The following CHST8 variants were observed in gnomAD, a reference collection of about 807,000 sequenced individuals.
CHST8 encodes GALNAC-4-ST1.
CHST8 carries 10 observed loss-of-function variants against 15.0 expected under a neutral mutation model. The ratio of observed to expected loss-of-function variants is 0.67; its 90% CI spans 0.41 to 1.13. The LOEUF (loss-of-function observed/expected upper bound fraction) is 1.13, where lower values mean the gene tolerates loss of function less well. CHST8 is among the 50% of genes most tolerant of loss of function. The pLI, the probability that CHST8 is intolerant of heterozygous loss-of-function variation, is 0.00. For missense variants in CHST8, 634 were observed against 608.2 expected, an observed-to-expected ratio of 1.04 and a Z score of -0.45; for synonymous variants, 259 against 256.6, an observed-to-expected ratio of 1.01 and a Z score of -0.09.
At chr19:33,628,964 TTGTG>T (rs2145434109) in intron 1 of CHST8, among the ~76,000 whole-genome samples, 1 of 152,266 alleles carries the variant, frequency 6.6e-6, no homozygotes, top group East Asian at 1.9e-4. Context: ...AGGCTGCTGG[TTGTG>T]TGGCCCCACT....
intron 3 of CHST8, among the ~76,000 whole-genome samples, chr19:33,729,408 GGAAATGA>G (rs1397096840): frequency 1.3e-5 from 2 of 152,230 alleles, no homozygotes; most frequent in Non-Finnish European, 2.9e-5. Flanking sequence ...AGCCAGAGAG[GGAAATGA>G]GACAGAAGTC....
At chr19:33,704,593 GT>G (rs1318862520) in intron 3 of CHST8, among the ~76,000 whole-genome samples, 30 of 152,170 alleles carry the variant, frequency 2.0e-4, no homozygotes, top group Non-Finnish European at 5.9e-5. Flanking sequence ...CATCCTTTTT[GT>G]TTTTGTTTTG....
At chr19:33,769,419 G>A (rs1446160364) in intron 3 of CHST8, among the ~76,000 whole-genome samples, 1 of 152,196 alleles carries the variant, frequency 6.6e-6, no homozygotes, top group Non-Finnish European at 1.5e-5. Context: ...AGGAGAGGTG[G>A]TTTAGCAGAG....
chr19:33,746,858 A>C (rs190017400), intron 3 of CHST8, among the ~76,000 whole-genome samples: 1 of 152,212 alleles, frequency 6.6e-6, no homozygotes, highest in African/African-American at 2.4e-5. Flanking sequence ...TTTTTCCATA[A>C]GATGCTCTGG....
At chr19:33,709,665 T>C (rs936939694) in intron 3 of CHST8, among the ~76,000 whole-genome samples, 5 of 152,166 alleles carry the variant, frequency 3.3e-5, no homozygotes, top group African/African-American at 1.2e-4. Context: ...TCTTGTGATG[T>C]CTTTATCTGG....
At chr19:33,757,275 G>A (rs1362167506) in intron 3 of CHST8, among the ~76,000 whole-genome samples, 2 of 151,234 alleles carry the variant, frequency 1.3e-5, no homozygotes, top group East Asian at 3.9e-4. Context: ...CTGCTACTCT[G>A]GAGGCTGAGG....
intron 2 of CHST8, among the ~76,000 whole-genome samples, chr19:33,674,566 G>T (rs1018909298): frequency 1.3e-5 from 2 of 152,208 alleles, no homozygotes; most frequent in Non-Finnish European, 1.5e-5. Flanking sequence ...CATCACTAAT[G>T]ATCGTGGAAA....
At chr19:33,705,861 A>G (rs188440088) in intron 3 of CHST8, among the ~76,000 whole-genome samples, 1 of 152,268 alleles carries the variant, frequency 6.6e-6, no homozygotes, top group Admixed American at 6.5e-5. Context: ...GGGACCCAAG[A>G]GTCCTGAGAG....
intron 2 of CHST8, among the ~76,000 whole-genome samples, chr19:33,687,302 C>A (rs1162790005): frequency 6.6e-6 from 1 of 152,228 alleles, no homozygotes; most frequent in Non-Finnish European, 1.5e-5. Flanking sequence ...TCCAGGGCAG[C>A]CATGGAGAGA....
At chr19:33,694,947 C>G (rs1973182641) in intron 3 of CHST8, among the ~76,000 whole-genome samples, 1 of 114,620 alleles carries the variant, frequency 8.7e-6, no homozygotes, top group Non-Finnish European at 2.1e-5. Context: ...CCTCCCTTCC[C>G]CTTCTGTTCC....
intron 2 of CHST8, among the ~76,000 whole-genome samples, chr19:33,687,806 G>A (rs563056615): frequency 1.3e-5 from 2 of 152,300 alleles, no homozygotes; most frequent in Non-Finnish European, 2.9e-5. Flanking sequence ...TGGGTGTGGG[G>A]GCTTCTTTCC....
At chr19:33,735,749 C>G (rs1438482183) in intron 3 of CHST8, among the ~76,000 whole-genome samples, 1 of 152,210 alleles carries the variant, frequency 6.6e-6, no homozygotes, top group Non-Finnish European at 1.5e-5. Context: ...ATCATTTGAA[C>G]CCGGAGGGTA....
chr19:33,622,223 A>G lies in CHST8; in HGVS notation c.-237A>G, dbSNP rs1971992199. ...TCCTCTCCGCCGCCTGCGCGCCCCA[A>G]GCAGAGGATCCGCCGCGGAGAACCG... is the stretch of plus-strand genomic sequence containing the variant. On this transcript the variant is annotated 5_prime_UTR_variant, in exon 1 of 5. Transcript: ENST00000650847. The G allele has an allele frequency of 6.6e-6, 1 of 151,744 alleles. No homozygotes were observed. The highest frequency in any genetic ancestry group is 1.5e-5 in the Non-Finnish European group (1 of 67,934). The allele number at this position is 151,744 out of a possible 1,614,324, so 9.4% of individuals were successfully genotyped here.
intron 3 of CHST8, among the ~76,000 whole-genome samples, chr19:33,700,903 T>C (rs1157190704): frequency 6.6e-6 from 1 of 152,132 alleles, no homozygotes; most frequent in African/African-American, 2.4e-5. Flanking sequence ...CCAGTACTGA[T>C]GGAGGGATGG....
intron 3 of CHST8, among the ~76,000 whole-genome samples, chr19:33,744,942 T>C (rs1392752260): frequency 6.6e-6 from 1 of 152,022 alleles, no homozygotes; most frequent in African/African-American, 2.4e-5. Flanking sequence ...AGATATGGGG[T>C]TTCACCGTGT....
intron 1 of CHST8, among the ~76,000 whole-genome samples, chr19:33,651,090 AG>A (rs1427689538): frequency 6.6e-6 from 1 of 152,116 alleles, no homozygotes. Context: ...GCAGTACAAA[AG>A]TTTTCAATTT....
chr19:33,628,075 G>C (rs1972079343), intron 1 of CHST8, among the ~76,000 whole-genome samples: 1 of 152,210 alleles, frequency 6.6e-6, no homozygotes. Context: ...GGACTTCTCG[G>C]AGGAGGTGGC....
At chr19:33,712,105 G>A (rs1431473044) in intron 3 of CHST8, among the ~76,000 whole-genome samples, 1 of 152,106 alleles carries the variant, frequency 6.6e-6, no homozygotes, top group African/African-American at 2.4e-5. Flanking sequence ...AACCAACTTT[G>A]GACTTTATTT....
chr19:33,743,691 G>A (rs887888086), intron 3 of CHST8, among the ~76,000 whole-genome samples: 7 of 152,224 alleles, frequency 4.6e-5, no homozygotes, highest in South Asian at 4.2e-4. Context: ...TGTCTGCATC[G>A]TCTCCTGGGG....
Sources: allele counts gnomAD v4.1 joint callset (sites outside exome capture counted in the v4.1 genomes callset), GRCh38; gene constraint gnomAD v4.1.1; transcripts MANE v1.5; gene names NCBI Gene and HGNC (gene_info 2026-07-23, HGNC 2026-07-21).